Variants in KCNAB2 observed in about 807,000 individuals in gnomAD.
KCNAB2 encodes potassium voltage-gated channel subfamily A regulatory beta subunit 2.
Under a neutral mutation model 63.6 loss-of-function variants are expected in KCNAB2, and 29 were observed. The ratio of observed to expected loss-of-function variants is 0.46; its 90% CI spans 0.34 to 0.62. The LOEUF is 0.62. KCNAB2 is among the 20% of genes least tolerant of loss of function. The pLI is 0.01. For synonymous variants in KCNAB2, 222 were observed against 224.2 expected, an observed-to-expected ratio of 0.99 and a Z score of 0.09; for missense variants, 359 against 563.9, an observed-to-expected ratio of 0.64 and a Z score of 3.68.
chr1:6,038,067 CG>C (rs924966803), intron 1 of KCNAB2, among the ~76,000 whole-genome samples: 17 of 151,308 alleles, frequency 1.1e-4, no homozygotes, highest in African/African-American at 3.9e-4. Context: ...TTAGTAGAGA[CG>C]GGGTTTCACT....
rs1014655100 is a variant in KCNAB2, at chr1:6,074,955, A to C, written c.300+1185A>C. 3.0e-5 allele frequency among the ~76,000 whole-genome samples: 2 copies of C among 67,432 alleles called. No individual in the cohort carries two copies. The highest frequency in any genetic ancestry group is 5.2e-5 in the Non-Finnish European group (2 of 38,474). 44.2% of individuals were successfully genotyped at this position (67,432 alleles called of 152,430 possible). ...GGCCGTAGAGTAAGACTCTGTCTCGAAAAAAAAAAAAAAAGACAATAGCTG... is the reference window on the plus strand; with the variant it reads ...GGCCGTAGAGTAAGACTCTGTCTCGCAAAAAAAAAAAAAAGACAATAGCTG... On this transcript the variant is annotated intron_variant, in intron 4 of 15. Transcript: ENST00000378083. The surrounding 1 kb of genome is among the most constrained non-coding windows in gnomAD (Gnocchi z 4.9).
intron 5 of KCNAB2, among the ~76,000 whole-genome samples, chr1:6,084,590 C>T (rs867257603): frequency 3.3e-4 from 50 of 152,182 alleles, no homozygotes; most frequent in East Asian, 7.7e-4. Flanking sequence ...CCACAGTGGG[C>T]GGATCACTCG....
chr1:6,059,226 T>C (rs1008642008), intron 2 of KCNAB2, among the ~76,000 whole-genome samples: 4 of 152,182 alleles, frequency 2.6e-5, no homozygotes, highest in African/African-American at 9.7e-5. Context: ...CGCCTTGCTC[T>C]GTCGCCCAGG....
upstream of KCNAB2, among the ~76,000 whole-genome samples, chr1:6,030,836 A>G (rs1659569623): frequency 6.7e-6 from 1 of 149,994 alleles, no homozygotes; most frequent in East Asian, 2.0e-4. Flanking sequence ...GTGTAAGTAT[A>G]TGTGTGTAGG....
At position 6,096,787 on chromosome 1, in the gene KCNAB2, C is replaced by G; in HGVS notation, c.1069+31C>G. On this transcript the variant is annotated intron_variant, in intron 14 of 15. Transcript: ENST00000378083. The surrounding 1 kb of genome is among the most constrained non-coding windows in gnomAD (Gnocchi z 5.9). Reference sequence around the variant, plus strand: ...GGTGGGGTCGCCATGGGGCCAGTGCCCCTGGGGAGAACCTGCCCCAGCTGG... The same window carrying G: ...GGTGGGGTCGCCATGGGGCCAGTGCGCCTGGGGAGAACCTGCCCCAGCTGG... The G allele has an allele frequency of 6.5e-7, 1 of 1,534,742 alleles. No homozygotes were observed. Among genetic ancestry groups the G allele is most frequent in the African/African-American group, 1.4e-5 (1 of 73,204 alleles).
chr1:6,041,406 G>A (rs780814946), upstream of KCNAB2: 19 of 215,328 alleles, frequency 8.8e-5, no homozygotes, highest in Non-Finnish European at 1.5e-4. Flanking sequence ...TCTGTCCTAA[G>A]AAGAGCCAGG....
chr1:6,019,463 A>G (rs1658696086), intron 1 of KCNAB2, among the ~76,000 whole-genome samples: 1 of 152,178 alleles, frequency 6.6e-6, no homozygotes, highest in Admixed American at 6.5e-5. Flanking sequence ...AGTGTTGCTC[A>G]GGTTCTGGGT....
intron 2 of KCNAB2, among the ~76,000 whole-genome samples, chr1:6,062,934 A>G (rs917373761): frequency 4.6e-5 from 7 of 151,942 alleles, no homozygotes; most frequent in African/African-American, 1.5e-4. Flanking sequence ...ATGTTCATCA[A>G]CCCCAGAAAG....
chr1:6,001,812 C>T (rs545903903), intron 1 of KCNAB2, among the ~76,000 whole-genome samples: 95 of 152,258 alleles, frequency 6.2e-4, no homozygotes, highest in South Asian at 5.0e-3. Context: ...CTCAGAAAGC[C>T]CCTCTAGGTT....
chr1:6,052,669 T>G (rs1313890137), intron 2 of KCNAB2, among the ~76,000 whole-genome samples: 1 of 152,158 alleles, frequency 6.6e-6, no homozygotes, highest in Admixed American at 6.5e-5. Flanking sequence ...CCCTCTCAAT[T>G]GCAAATTGAC....
At chr1:6,083,161 C>T (rs1664356072) in intron 5 of KCNAB2, among the ~76,000 whole-genome samples, 1 of 152,236 alleles carries the variant, frequency 6.6e-6, no homozygotes, top group African/African-American at 2.4e-5. Flanking sequence ...CCCCCTCCCA[C>T]TCCCTCCATA....
At chr1:6,038,952 C>T (rs1326297578) in intron 1 of KCNAB2, among the ~76,000 whole-genome samples, 1 of 152,230 alleles carries the variant, frequency 6.6e-6, no homozygotes, top group African/African-American at 2.4e-5. Context: ...TTTGTCCTTC[C>T]AGAAGCCAAG....
At chr1:6,015,240 G>C (rs765246035) in intron 1 of KCNAB2, among the ~76,000 whole-genome samples, 5 of 151,918 alleles carry the variant, frequency 3.3e-5, no homozygotes, top group Non-Finnish European at 7.4e-5. Flanking sequence ...ATGTTGGCCA[G>C]GCTGATTTCG....
At chr1:6,092,621 C>T (rs926706162) in intron 10 of KCNAB2, among the ~76,000 whole-genome samples, 2 of 152,204 alleles carry the variant, frequency 1.3e-5, no homozygotes, top group Non-Finnish European at 2.9e-5. Context: ...AGGCCAGGAG[C>T]CCGGACCTGG....
At chr1:6,012,496 A>AGGT (rs375471999) in intron 1 of KCNAB2, among the ~76,000 whole-genome samples, 1 of 1,304 alleles carries the variant, frequency 7.7e-4, no homozygotes, top group Non-Finnish European at 1.2e-3. Flanking sequence ...ATGAAGGCGG[A>AGGT]GGTGGGTGGA....
chr1:6,054,302 G>C (rs1460589672), intron 2 of KCNAB2, among the ~76,000 whole-genome samples: 1 of 151,980 alleles, frequency 6.6e-6, no homozygotes, highest in Admixed American at 6.6e-5. Flanking sequence ...CAAAGAATTG[G>C]ACAAAACGCA....
chr1:6,076,116 T>C (rs1237696464), intron 4 of KCNAB2, among the ~76,000 whole-genome samples: 3 of 152,236 alleles, frequency 2.0e-5, no homozygotes, highest in East Asian at 3.9e-4. Context: ...TCCTGTTCTT[T>C]GGGCCGCAGC....
rs1360254822 is a variant in KCNAB2, at chr1:5,994,371, C to A, written c.-53+1583C>A. Among the ~76,000 whole-genome samples the A allele has an allele frequency of 6.6e-6, 1 of 152,234 alleles. No homozygotes were observed. Among genetic ancestry groups the A allele is most frequent in the East Asian group, 1.9e-4 (1 of 5,206 alleles). On this transcript the variant is annotated intron_variant, in intron 1 of 16. Transcript: ENST00000341524. The surrounding 1 kb of genome is among the most constrained non-coding windows in gnomAD (Gnocchi z 5.4). ...GCCCTGTGCAGCTCCTGGCCCTGTG[C>A]TCTCGCAGTGTGGGGCCCTAAGAGT...
At position 6,096,010 on chromosome 1, in the gene KCNAB2, AC is replaced by A; in HGVS notation, c.948+389del. On this transcript the variant is annotated intron_variant, in intron 13 of 15. Transcript: ENST00000378083. This position sits in a 1 kb window ranked among gnomAD's most constrained non-coding sequence, Gnocchi z 5.9. ...GGGGCTGCAAAGCCACATGGAGGTG[AC>A]CCTGGGAGAGGCGCCCCTCCCCACC... 2.2e-6 allele frequency: 1 copy of A among 445,546 alleles called. No individual in the cohort carries two copies. Among genetic ancestry groups the A allele is most frequent in the South Asian group, 1.6e-5 (1 of 62,938 alleles). 27.6% of individuals were successfully genotyped at this position (445,546 alleles called of 1,614,324 possible).
Sources: gnomAD v4.1 joint callset for allele counts (sites outside exome capture counted in the v4.1 genomes callset) on GRCh38, gnomAD v4.1.1 for gene constraint, Gnocchi (gnomAD v3.1) non-coding constraint, MANE v1.5 for transcripts, NCBI Gene and HGNC (gene_info 2026-07-23, HGNC 2026-07-21) for gene names.